Variants in NPAS3 observed in about 807,000 individuals in gnomAD.
NPAS3 encodes neuronal PAS domain-containing protein 3.
Under a neutral mutation model 73.1 loss-of-function variants are expected in NPAS3, and 14 were observed. That is an observed-to-expected ratio of 0.19 (90% CI 0.13 to 0.30). The LOEUF is 0.30. Ranked by LOEUF, NPAS3 falls within the 10% of genes least tolerant of loss-of-function variation. NPAS3 has a pLI of 1.00. For missense variants in NPAS3, 1,096 were observed against 1,250.0 expected (o/e 0.88, Z 1.86); for synonymous variants, 620 against 541.5 (o/e 1.14, Z -2.01).
At chr14:33,659,831 C>G (rs1338764125) in intron 5 of NPAS3, among the ~76,000 whole-genome samples, 3 of 151,926 alleles carry the variant, frequency 2.0e-5, no homozygotes, top group African/African-American at 4.8e-5. Flanking sequence ...TAGTGCTGTT[C>G]AGACAATAGA....
chr14:33,571,283 G>A lies in NPAS3; in HGVS notation c.558+11073G>A, dbSNP rs528239162. Among the ~76,000 whole-genome samples, 27 of 152,280 alleles carry A rather than the reference G, an allele frequency of 1.8e-4. No homozygotes were observed. The South Asian group carries it at 5.4e-3, about 30-fold the overall frequency. On this transcript the variant is annotated intron_variant, in intron 5 of 11. Transcript: ENST00000356141. ...TTTTTCTTAAGTGTGAAACGAAAGG[G>A]CAATTTCTCAGGCTCCTTCTTCTTT...
At chr14:33,024,377 G>A (rs918792695) in intron 1 of NPAS3, among the ~76,000 whole-genome samples, 4 of 151,914 alleles carry the variant, frequency 2.6e-5, no homozygotes, top group African/African-American at 9.7e-5. Context: ...TTTCCATGCT[G>A]GCCAAGCTGG....
intron 4 of NPAS3, among the ~76,000 whole-genome samples, chr14:33,536,510 A>G (rs2054267366): frequency 6.6e-6 from 1 of 152,170 alleles, no homozygotes; most frequent in Non-Finnish European, 1.5e-5. Context: ...GTCAGAACTA[A>G]TACGAAGAAG....
intron 6 of NPAS3, among the ~76,000 whole-genome samples, chr14:33,727,171 C>A (rs566358483): frequency 6.7e-6 from 1 of 149,942 alleles, no homozygotes; most frequent in Non-Finnish European, 1.5e-5. Flanking sequence ...ATAAACATGG[C>A]GGTTCAGCTG....
chr14:33,393,959 A>G (rs10483440), intron 4 of NPAS3, among the ~76,000 whole-genome samples: 13,838 of 152,220 alleles, frequency 0.091, 753 homozygotes, highest in South Asian at 0.16. Context: ...CCTGCCAGCA[A>G]TCTACCAATT....
At chr14:33,070,473 C>T (rs1263376570) in intron 2 of NPAS3, among the ~76,000 whole-genome samples, 2 of 152,196 alleles carry the variant, frequency 1.3e-5, no homozygotes, top group Non-Finnish European at 2.9e-5. Context: ...CACTCAGGTT[C>T]TGTCTGAGCT....
Position 33,495,264 on chromosome 14 carries a change from G to T in NPAS3, c.469-64857G>T, listed in dbSNP as rs118129443. On this transcript the variant is annotated intron_variant, in intron 4 of 11. Transcript: ENST00000356141. ...TAAAGGAGCAGGAGCAGGTTGTTCA[G>T]TTTTCCGTGTAGTTGTGCGGTTTTG... Among the ~76,000 whole-genome samples the T allele has an allele frequency of 4.7e-3, 715 of 152,158 alleles. 5 individuals carry two copies. The highest frequency in any genetic ancestry group is 7.8e-3 in the Non-Finnish European group (532 of 67,958).
intron 3 of NPAS3, among the ~76,000 whole-genome samples, chr14:33,320,526 T>G (rs1409049345): frequency 6.6e-6 from 1 of 152,128 alleles, no homozygotes; most frequent in Non-Finnish European, 1.5e-5. Context: ...GTCATTGCTC[T>G]TGTTCAGGTC....
chr14:33,737,963 G>A (rs1401337522), intron 7 of NPAS3, among the ~76,000 whole-genome samples: 1 of 152,088 alleles, frequency 6.6e-6, no homozygotes, highest in African/African-American at 2.4e-5. Flanking sequence ...CTATATTTCT[G>A]TCCGTTTTTC....
chr14:33,379,977 C>CAT (rs367545400), intron 4 of NPAS3, among the ~76,000 whole-genome samples: 3,212 of 144,336 alleles, frequency 0.022, 58 homozygotes, highest in South Asian at 0.041. Flanking sequence ...AGTTATCCCT[C>CAT]GTGTGTGTGT....
chr14:33,583,713 A>G (rs1249797153), intron 5 of NPAS3, among the ~76,000 whole-genome samples: 1 of 152,240 alleles, frequency 6.6e-6, no homozygotes, highest in African/African-American at 2.4e-5. Context: ...GAGACTATAG[A>G]CATATGTAGT....
chr14:33,537,298 G>A (rs986856416), intron 4 of NPAS3, among the ~76,000 whole-genome samples: 4 of 152,116 alleles, frequency 2.6e-5, no homozygotes, highest in African/African-American at 9.7e-5. Context: ...CTAATTTAGG[G>A]CACATTAGAA....
intron 1 of NPAS3, among the ~76,000 whole-genome samples, chr14:33,002,286 T>C (rs1013641464): frequency 2.6e-5 from 4 of 152,214 alleles, no homozygotes; most frequent in Non-Finnish European, 4.4e-5. Flanking sequence ...AGGCACACAA[T>C]GATTACTCAA....
intron 7 of NPAS3, among the ~76,000 whole-genome samples, chr14:33,760,679 G>C (rs1332160122): frequency 6.6e-6 from 1 of 150,686 alleles, no homozygotes; most frequent in African/African-American, 2.5e-5. Context: ...TCTCCTTTGG[G>C]GGTTATGTCT....
chr14:33,408,084 A>G (rs980173819), intron 4 of NPAS3, among the ~76,000 whole-genome samples: 3 of 152,178 alleles, frequency 2.0e-5, no homozygotes, highest in African/African-American at 7.2e-5. Context: ...TCACTTTGGA[A>G]GTACAATTCT....
At chr14:33,577,956 G>A (rs2056508185) in intron 5 of NPAS3, among the ~76,000 whole-genome samples, 1 of 152,158 alleles carries the variant, frequency 6.6e-6, no homozygotes, top group African/African-American at 2.4e-5. Flanking sequence ...AGTCTTAGTG[G>A]CCACATCTTT....
chr14:33,703,430 G>A (rs552532736), intron 6 of NPAS3, among the ~76,000 whole-genome samples: 7 of 152,118 alleles, frequency 4.6e-5, no homozygotes, highest in Non-Finnish European at 1.5e-5. Context: ...GAAAGTTGAG[G>A]CTACAGTGAG....
chr14:33,598,412 G>A (rs1455782620), intron 5 of NPAS3, among the ~76,000 whole-genome samples: 5 of 152,192 alleles, frequency 3.3e-5, no homozygotes, highest in Admixed American at 6.5e-5. Flanking sequence ...GTGTATATGT[G>A]AATAGTTTTA....
intron 2 of NPAS3, among the ~76,000 whole-genome samples, chr14:33,183,457 T>G (rs1298434604): frequency 1.5e-5 from 1 of 64,818 alleles, no homozygotes; most frequent in African/African-American, 5.7e-5. Flanking sequence ...TTTTTTTTTT[T>G]GAAACAATCT....
Sources: allele counts gnomAD v4.1 joint callset (sites outside exome capture counted in the v4.1 genomes callset), GRCh38; gene constraint gnomAD v4.1.1; transcripts MANE v1.5; gene names NCBI Gene and HGNC (gene_info 2026-07-23, HGNC 2026-07-21).